Variants in CORO2A observed in about 807,000 individuals in gnomAD.
The protein encoded by CORO2A is coronin 2A.
Under a neutral mutation model 62.4 loss-of-function variants are expected in CORO2A, and 47 were observed. The ratio of observed to expected loss-of-function variants is 0.75; its 90% CI spans 0.60 to 0.96. CORO2A has a LOEUF of 0.96. Among genes scored for constraint, CORO2A ranks in the 40% least tolerant of loss-of-function variants. The pLI, the probability that CORO2A is intolerant of heterozygous loss-of-function variation, is 0.00. For missense variants in CORO2A, 610 were observed against 684.1 expected, an observed-to-expected ratio of 0.89 and a Z score of 1.21; for synonymous variants, 273 against 268.9, an observed-to-expected ratio of 1.02 and a Z score of -0.15.
At position 98,138,908 on chromosome 9, in the gene CORO2A, G is replaced by A. The variant is rs560067978; in HGVS notation, c.202-1220C>T. The stretch of plus-strand genomic sequence containing the variant: ...CTAAAATACAAAAAATTAGCCCGGC[G>A]TGGTGGTGCACGCCTGTAGTCCCAG... On this transcript the variant is annotated intron_variant, in intron 2 of 11. Coordinates refer to ENST00000375077, the MANE Select transcript of CORO2A (RefSeq NM_052820.4). 5.3e-5 allele frequency among the ~76,000 whole-genome samples: 8 copies of A among 152,078 alleles called. No homozygotes were observed. The South Asian group carries it at 6.2e-4, about 12-fold the overall frequency.
intron 1 of CORO2A, among the ~76,000 whole-genome samples, chr9:98,182,269 C>T (rs558941791): frequency 2.0e-5 from 3 of 152,232 alleles, no homozygotes; most frequent in East Asian, 1.9e-4. Flanking sequence ...TTTTAGGGAG[C>T]GAATGAATGG....
At chr9:98,154,329 G>GTGTATATATA (rs1439685527) in intron 2 of CORO2A, among the ~76,000 whole-genome samples, 1 of 88,958 alleles carries the variant, frequency 1.1e-5, no homozygotes, top group Non-Finnish European at 2.1e-5. Context: ...GTGTTTGTGT[G>GTGTATATATA]TATATATATA....
In CORO2A at chr9:98,123,018, T is replaced by C. The variant is rs1448369700; in HGVS notation, c.*1756A>G. ...TAGCAAACCCAGATCACCCCACAGG[T>C]AGTTTTCTCTTAGGTCAAGGTTTCA... is the stretch of plus-strand genomic sequence containing the variant. On this transcript the variant is annotated 3_prime_UTR_variant, in exon 12 of 12. Transcript: ENST00000375077. The C allele has an allele frequency of 6.6e-6, 1 of 152,230 alleles. No individual in the cohort carries two copies. Among genetic ancestry groups the C allele is most frequent in the Non-Finnish European group, 1.5e-5 (1 of 68,078 alleles). The allele number at this position is 152,230 out of a possible 1,614,324, so 9.4% of individuals were successfully genotyped here. A position where few individuals can be genotyped will look rare whatever the true frequency, so the allele number is the denominator to read the frequency against.
At chr9:98,181,334 CTTTTTTTTT>C (rs575456152) in intron 1 of CORO2A, among the ~76,000 whole-genome samples, 1 of 112,200 alleles carries the variant, frequency 8.9e-6, no homozygotes, top group African/African-American at 3.7e-5. Context: ...CTCTCTCTTG[CTTTTTTTTT>C]TTTTTTTTTT....
At position 98,124,469 on chromosome 9, in the gene CORO2A, A is replaced by G; in HGVS notation, c.*305T>C. ...CAGACAGGTCAACCTAGATCCTTCC[A>G]GCTCTAGTTTTCTACTGTGTTCTTT... On this transcript the variant is annotated 3_prime_UTR_variant, in exon 12 of 12. Coordinates refer to ENST00000375077, the MANE Select transcript of CORO2A (RefSeq NM_052820.4). The G allele has an allele frequency of 4.9e-6, 1 of 205,282 alleles. No homozygotes were observed. Among genetic ancestry groups the G allele is most frequent in the Non-Finnish European group, 9.8e-6 (1 of 102,500 alleles). The allele number at this position is 205,282 out of a possible 1,614,324, so 12.7% of individuals were successfully genotyped here.
intron 1 of CORO2A, among the ~76,000 whole-genome samples, chr9:98,158,742 G>C (rs1827840273): frequency 1.3e-5 from 2 of 152,148 alleles, no homozygotes; most frequent in African/African-American, 4.8e-5. Context: ...CAGGATGAGG[G>C]AGAGCTGGGG....
intron 2 of CORO2A, among the ~76,000 whole-genome samples, chr9:98,146,661 T>A (rs1827646927): frequency 6.6e-6 from 1 of 152,150 alleles, no homozygotes; most frequent in Non-Finnish European, 1.5e-5. Context: ...CTGATGCAAA[T>A]CAGTGCCAAA....
chr9:98,187,794 A>G (rs1447691782), intron 1 of CORO2A, among the ~76,000 whole-genome samples: 1 of 152,198 alleles, frequency 6.6e-6, no homozygotes, highest in African/African-American at 2.4e-5. Context: ...TTCAGACCAT[A>G]GCAATCTCGC....
Position 98,126,753 on chromosome 9 carries a change from A to G in CORO2A, c.1242T>C (p.Pro414=). ...LRPHPLPAER[P]IFNSMAPASP... ...AGGCTGGGGCCATGGAATTGAAGAT[A>G]GGTCTCTCTGCAGGCAGTGGGTGGG... Residue 414 remains proline (P), a synonymous_variant, in exon 11 of 12, where the codon CCT becomes CCC. Coordinates refer to ENST00000375077, the MANE Select transcript of CORO2A (RefSeq NM_052820.4). The G allele has an allele frequency of 6.2e-7, 1 of 1,614,198 alleles. No homozygotes were observed.
chr9:98,121,389 T>A lies in CORO2A; in HGVS notation c.*3385A>T, dbSNP rs1326175622. On this transcript the variant is annotated 3_prime_UTR_variant, in exon 12 of 12. Transcript: ENST00000375077. ...CCTGAATGTGCTAGGCAAGTTCCAC[T>A]ACATCAGCTCAAGAACATAAACAAA... is the stretch of plus-strand genomic sequence containing the variant. 6.6e-6 allele frequency: 1 copy of A among 151,952 alleles called. No individual in the cohort carries two copies. The highest frequency in any genetic ancestry group is 1.9e-4 in the East Asian group (1 of 5,176). The allele number at this position is 151,952 out of a possible 1,614,324, so 9.4% of individuals were successfully genotyped here.
At chr9:98,179,400 C>G (rs1029669840) in intron 1 of CORO2A, among the ~76,000 whole-genome samples, 2 of 152,198 alleles carry the variant, frequency 1.3e-5, no homozygotes, top group African/African-American at 4.8e-5. Context: ...AAGCAATGAC[C>G]TGCAATCCTG....
rs1245096848 is a variant in CORO2A, at chr9:98,192,623, G to C, written c.-65C>G. The stretch of plus-strand genomic sequence containing the variant: ...GTCCAGCTCCGGCTCCGCGCTCCTC[G>C]CCGCCCGCCGACTCCCGGCGCCCAG... On this transcript the variant is annotated 5_prime_UTR_variant, in exon 1 of 12. Coordinates refer to ENST00000375077, the MANE Select transcript of CORO2A (RefSeq NM_052820.4). 6.7e-6 allele frequency: 1 copy of C among 150,036 alleles called. No homozygotes were observed. Among genetic ancestry groups the C allele is most frequent in the Non-Finnish European group, 1.5e-5 (1 of 67,256 alleles). 9.3% of individuals were successfully genotyped at this position (150,036 alleles called of 1,614,324 possible).
At chr9:98,156,719 C>G (rs1443352682) in intron 2 of CORO2A, among the ~76,000 whole-genome samples, 1 of 152,204 alleles carries the variant, frequency 6.6e-6, no homozygotes, top group African/African-American at 2.4e-5. Context: ...GACTCTCACT[C>G]ATGGTGGTGT....
intron 2 of CORO2A, among the ~76,000 whole-genome samples, chr9:98,140,554 T>G (rs1827551832): frequency 6.6e-6 from 1 of 151,296 alleles, no homozygotes; most frequent in African/African-American, 2.4e-5. Context: ...TCTTCCCACC[T>G]CACCCTCCCA....
chr9:98,154,323 T>TTATGTG (rs1564209102), intron 2 of CORO2A, among the ~76,000 whole-genome samples: 1 of 102,162 alleles, frequency 9.8e-6, no homozygotes, highest in African/African-American at 4.3e-5. Context: ...TCTTATGTGT[T>TTATGTG]TGTGTGTATA....
rs1827463885 is a variant in CORO2A at position 98,134,885 on chromosome 9, C to A, written c.389G>T (p.Gly130Val). ...CACCAGGCCTACTCTGCGCGCGTGG[C>A]CCACGAGTTCCTTCCTGTAGGCCGT... is the stretch of plus-strand genomic sequence containing the variant. Reference protein sequence around the residue: ...NLTAYRKELVGHARRVGLVEW... With the variant: ...NLTAYRKELVVHARRVGLVEW... Residue 130 changes from glycine to valine, a missense_variant, in exon 4 of 12, where the codon GGC becomes GTC. Gly to Val is a moderately radical substitution (Grantham distance 109, BLOSUM62 -3). Transcript: ENST00000375077. 1.9e-6 allele frequency: 3 copies of A among 1,614,160 alleles called. No individual in the cohort carries two copies. Among genetic ancestry groups the A allele is most frequent in the East Asian group, 2.2e-5 (1 of 44,884 alleles).
At chr9:98,158,050 C>G (rs1827831461) in intron 1 of CORO2A, among the ~76,000 whole-genome samples, 1 of 152,220 alleles carries the variant, frequency 6.6e-6, no homozygotes, top group Admixed American at 6.5e-5. Flanking sequence ...CTGGAGCCAG[C>G]CTGCCTGGGT....
intron 3 of CORO2A, among the ~76,000 whole-genome samples, chr9:98,135,392 G>C (rs1342892316): frequency 2.0e-5 from 3 of 152,222 alleles, no homozygotes; most frequent in Admixed American, 6.5e-5. Flanking sequence ...TCAGGCACTA[G>C]GGAGCCGGCG....
At chr9:98,126,887 C>T (rs559123263) in intron 10 of CORO2A, 64 bp from the exon 11 acceptor site, 2 of 1,561,028 alleles carry the variant, frequency 1.3e-6, no homozygotes, top group South Asian at 1.1e-5. Flanking sequence ...TATGGGGCAC[C>T]AATGACACAG....
Sources: gnomAD v4.1 joint callset for allele counts (sites outside exome capture counted in the v4.1 genomes callset) on GRCh38, gnomAD v4.1.1 for gene constraint, MANE v1.5 for transcripts, NCBI Gene and HGNC (gene_info 2026-07-23, HGNC 2026-07-21) for gene names.